Variants in GRM7 observed in about 807,000 individuals in gnomAD.
The protein encoded by GRM7 is glutamate metabotropic receptor 7.
In GRM7, 35 loss-of-function variants were observed where a neutral mutation model predicts 84.5. That is an observed-to-expected ratio of 0.41 (90% confidence interval 0.32 to 0.55). The LOEUF (loss-of-function observed/expected upper bound fraction) is 0.55, where lower values mean the gene tolerates loss of function less well. GRM7 is among the 20% of genes least tolerant of loss of function. The probability of loss-of-function intolerance (pLI) is 0.19; values close to 1 mark genes in which losing one functional copy is unlikely to be tolerated. For missense variants in GRM7, 1,003 were observed against 1,194.6 expected (o/e 0.84, Z 2.36); for synonymous variants, 487 against 455.1 (o/e 1.07, Z -0.89).
intron 4 of GRM7, among the ~76,000 whole-genome samples, chr3:7,367,938 C>G (rs1315157532): frequency 7.9e-6 from 1 of 126,130 alleles, no homozygotes; most frequent in African/African-American, 2.8e-5. Context: ...CATTAATCCT[C>G]AAAAAAAAAA....
chr3:6,934,783 A>G (rs1282277225), intron 1 of GRM7, among the ~76,000 whole-genome samples: 1 of 152,150 alleles, frequency 6.6e-6, no homozygotes, highest in Non-Finnish European at 1.5e-5. Context: ...GAACTAGATG[A>G]AGTTTGGATT....
intron 1 of GRM7, among the ~76,000 whole-genome samples, chr3:7,130,751 TTGGAAGATGATATGG>T (rs1693568849): frequency 6.6e-6 from 1 of 152,096 alleles, no homozygotes; most frequent in Non-Finnish European, 1.5e-5. Flanking sequence ...GTCATGGTAA[TTGGAAGATGATATGG>T]TGGCAGGTGA....
At chr3:7,250,032 G>A (rs917182445) in intron 2 of GRM7, among the ~76,000 whole-genome samples, 3 of 152,116 alleles carry the variant, frequency 2.0e-5, no homozygotes, top group South Asian at 2.1e-4. Flanking sequence ...GAAGTTAGTC[G>A]CACGGTCCCC....
chr3:7,302,261 T>C (rs969988055), intron 3 of GRM7, among the ~76,000 whole-genome samples: 5 of 152,156 alleles, frequency 3.3e-5, no homozygotes, highest in African/African-American at 1.2e-4. Context: ...GTTTAATTTT[T>C]GCAATAAGTT....
chr3:7,338,080 TTATA>T (rs972796376), intron 4 of GRM7, among the ~76,000 whole-genome samples: 17 of 148,562 alleles, frequency 1.1e-4, no homozygotes, highest in Admixed American at 8.1e-4. Flanking sequence ...AAGCATACAT[TTATA>T]TATTATATAT....
At chr3:6,950,818 A>G (rs1692719816) in intron 1 of GRM7, among the ~76,000 whole-genome samples, 1 of 152,212 alleles carries the variant, frequency 6.6e-6, no homozygotes, top group African/African-American at 2.4e-5. Context: ...CTGTGCTAGC[A>G]GTGAGCGAGG....
chr3:6,947,937 T>C (rs544135289), intron 1 of GRM7, among the ~76,000 whole-genome samples: 3 of 152,334 alleles, frequency 2.0e-5, no homozygotes, highest in African/African-American at 7.2e-5. Flanking sequence ...GATTTGATTC[T>C]TCTCTCTTTT....
chr3:6,882,820 C>T (rs1695561134), intron 1 of GRM7, among the ~76,000 whole-genome samples: 1 of 152,142 alleles, frequency 6.6e-6, no homozygotes, highest in Non-Finnish European at 1.5e-5. Context: ...TTTACGTAGC[C>T]AGTTTCCTGC....
intron 3 of GRM7, among the ~76,000 whole-genome samples, chr3:7,304,556 G>C (rs1277589595): frequency 1.3e-5 from 2 of 151,456 alleles, no homozygotes; most frequent in African/African-American, 4.8e-5. Context: ...TATTTTCTCT[G>C]TACGTTCTTT....
At chr3:6,921,077 T>C (rs1697106521) in intron 1 of GRM7, among the ~76,000 whole-genome samples, 1 of 152,200 alleles carries the variant, frequency 6.6e-6, no homozygotes, top group African/African-American at 2.4e-5. Flanking sequence ...ATCCGTCACA[T>C]TGGCTTCGAG....
intron 2 of GRM7, among the ~76,000 whole-genome samples, chr3:7,245,226 G>T (rs947522838): frequency 2.6e-5 from 4 of 151,892 alleles, no homozygotes; most frequent in Admixed American, 2.0e-4. Flanking sequence ...AGATAAAAGG[G>T]ACAGAAAATA....
At chr3:7,384,282 A>AC (rs752751296) in intron 4 of GRM7, among the ~76,000 whole-genome samples, 7 of 151,904 alleles carry the variant, frequency 4.6e-5, no homozygotes, top group East Asian at 3.9e-4. Flanking sequence ...GCCCACCTTG[A>AC]CCCCCCAAAG....
chr3:7,273,833 G>A (rs560882373), intron 2 of GRM7, among the ~76,000 whole-genome samples: 3 of 151,948 alleles, frequency 2.0e-5, no homozygotes, highest in South Asian at 2.1e-4. Context: ...CTGGCTTTTA[G>A]TTGGTACACT....
chr3:7,003,535 G>T (rs534295318), intron 1 of GRM7, among the ~76,000 whole-genome samples: 1 of 152,134 alleles, frequency 6.6e-6, no homozygotes, highest in African/African-American at 2.4e-5. Context: ...ATGATGAGAT[G>T]CTGCTGGTCT....
At chr3:7,480,234 A>G (rs1205239669) in intron 7 of GRM7, among the ~76,000 whole-genome samples, 1 of 152,202 alleles carries the variant, frequency 6.6e-6, no homozygotes, top group Non-Finnish European at 1.5e-5. Context: ...TAGGCCCCTC[A>G]AGATAGAAGA....
chr3:7,067,390 G>T (rs750009590), intron 1 of GRM7, among the ~76,000 whole-genome samples: 26 of 151,848 alleles, frequency 1.7e-4, no homozygotes, highest in Admixed American at 5.3e-4. Flanking sequence ...GCCAAGCAGA[G>T]AATCAAATCA....
intron 7 of GRM7, among the ~76,000 whole-genome samples, chr3:7,565,056 A>G (rs1251793327): frequency 6.6e-6 from 1 of 152,210 alleles, no homozygotes; most frequent in Non-Finnish European, 1.5e-5. Context: ...TTCTTCCTTT[A>G]AGAAAATATC....
At chr3:7,466,919 T>C (rs999529714) in intron 7 of GRM7, among the ~76,000 whole-genome samples, 8 of 152,320 alleles carry the variant, frequency 5.3e-5, no homozygotes, top group Admixed American at 2.0e-4. Context: ...AGAATCCATG[T>C]TTTAGTCATT....
intron 7 of GRM7, among the ~76,000 whole-genome samples, chr3:7,534,377 G>T (rs1203206517): frequency 6.6e-6 from 1 of 152,060 alleles, no homozygotes; most frequent in Non-Finnish European, 1.5e-5. Context: ...TTTGAGATAC[G>T]TACTATTGCC....
Sources: gnomAD v4.1 joint callset for allele counts (sites outside exome capture counted in the v4.1 genomes callset) on GRCh38, gnomAD v4.1.1 for gene constraint, MANE v1.5 for transcripts, NCBI Gene and HGNC (gene_info 2026-07-23, HGNC 2026-07-21) for gene names.